Variants in PMEPA1 observed in about 807,000 individuals in gnomAD.
The protein encoded by PMEPA1 is protein TMEPAI.
Under a neutral mutation model 23.0 loss-of-function variants are expected in PMEPA1, and 11 were observed. The observed-to-expected ratio is 0.48, with a 90% CI of 0.30 to 0.79. The LOEUF (loss-of-function observed/expected upper bound fraction) is 0.79, where lower values mean the gene tolerates loss of function less well. PMEPA1 is among the 30% of genes least tolerant of loss of function. PMEPA1 has a pLI of 0.06. For synonymous variants in PMEPA1, 204 were observed against 166.4 expected, an observed-to-expected ratio of 1.23 and a Z score of -1.74; for missense variants, 377 against 390.9, an observed-to-expected ratio of 0.96 and a Z score of 0.30.
rs374222961 is a variant in PMEPA1, at chr20:57,659,494, G to T, written c.264+49C>A. On this transcript the variant is annotated intron_variant, in intron 2 of 3. Transcript: ENST00000341744. ...TCCCGTCTGAGTTTTTACAAGGGGC[G>T]TCCCACTGCCGCACCCTCAGGCCAC... 40 of 1,584,280 alleles carry T rather than the reference G, an allele frequency of 2.5e-5. No individual in the cohort carries two copies. In the African/African-American group the frequency reaches 3.4e-4, roughly 13 times the overall value.
At chr20:57,653,652 A>G (rs1403243249) in intron 2 of PMEPA1, among the ~76,000 whole-genome samples, 1 of 151,818 alleles carries the variant, frequency 6.6e-6, no homozygotes, top group Non-Finnish European at 1.5e-5. Flanking sequence ...GCTGGGTGTC[A>G]CCTCCACACT....
intron 1 of PMEPA1, among the ~76,000 whole-genome samples, chr20:57,665,396 C>T (rs2071478266): frequency 6.6e-6 from 1 of 152,068 alleles, no homozygotes; most frequent in African/African-American, 2.4e-5. Flanking sequence ...CCGCCCCCTG[C>T]CCCGGGAATC....
chr20:57,656,606 C>T lies in PMEPA1; in HGVS notation c.264+2937G>A, dbSNP rs113348016. Among the ~76,000 whole-genome samples, 2 of 152,120 alleles carry T rather than the reference C, an allele frequency of 1.3e-5. No individual in the cohort carries two copies. The highest frequency in any genetic ancestry group is 2.9e-5 in the Non-Finnish European group (2 of 68,016). On this transcript the variant is annotated intron_variant, in intron 2 of 3. Coordinates refer to ENST00000341744, the MANE Select transcript of PMEPA1 (RefSeq NM_020182.5). This position sits in a 1 kb window ranked among gnomAD's most constrained non-coding sequence, Gnocchi z 4.7. ...CCAGGGTGGAAGTGCCATCCCTGGTCGAGGGGCTTGCCTGCACTGGAGCCT... is the reference window on the plus strand; with the variant it reads ...CCAGGGTGGAAGTGCCATCCCTGGTTGAGGGGCTTGCCTGCACTGGAGCCT...
intron 1 of PMEPA1, among the ~76,000 whole-genome samples, chr20:57,702,716 C>T (rs1014716012): frequency 3.3e-5 from 5 of 152,196 alleles, no homozygotes; most frequent in African/African-American, 1.2e-4. Flanking sequence ...GAGCAAGTAT[C>T]TTACACTCTC....
intron 1 of PMEPA1, among the ~76,000 whole-genome samples, chr20:57,700,954 C>T (rs2072002998): frequency 6.6e-6 from 1 of 151,452 alleles, no homozygotes; most frequent in African/African-American, 2.4e-5. Context: ...CACTTGAACC[C>T]GGGAGGTAGA....
At position 57,652,704 on chromosome 20, in the gene PMEPA1, G is replaced by C; in HGVS notation, c.319-106C>G. 8 of 1,053,024 alleles carry C rather than the reference G, an allele frequency of 7.6e-6. No individual in the cohort carries two copies. The highest frequency in any genetic ancestry group is 1.1e-5 in the Non-Finnish European group (8 of 750,244). The allele number at this position is 1,053,024 out of a possible 1,614,324, so 65.2% of individuals were successfully genotyped here. The stretch of plus-strand genomic sequence containing the variant: ...GCTGCATGGGACTTGGCTCTCTGGG[G>C]AAAGGGAGAGGGCAGCAGGGCTGGC... On this transcript the variant is annotated intron_variant, in intron 3 of 3. Transcript: ENST00000341744. The surrounding 1 kb of genome is among the most constrained non-coding windows in gnomAD (Gnocchi z 6.1).
rs543535086 is a variant in PMEPA1, at chr20:57,706,131, C to A, written c.109+3343G>T. Reference sequence around the variant, plus strand: ...AAAAAGACAGCTGCCACCGTAGATACCACCAGAGATGGGCCCAGGGCAGGG... The same window carrying A: ...AAAAAGACAGCTGCCACCGTAGATAACACCAGAGATGGGCCCAGGGCAGGG... On this transcript the variant is annotated intron_variant, in intron 1 of 3. Transcript: ENST00000341744. Among the ~76,000 whole-genome samples the A allele has an allele frequency of 2.5e-3, 384 of 152,334 alleles. 1 individual carries two copies. Among genetic ancestry groups the A allele is most frequent in the African/African-American group, 9.0e-3 (376 of 41,578 alleles).
At chr20:57,659,050 G>A (rs1249764475) in intron 2 of PMEPA1, among the ~76,000 whole-genome samples, 1 of 152,212 alleles carries the variant, frequency 6.6e-6, no homozygotes, top group Non-Finnish European at 1.5e-5. Flanking sequence ...TGTGGGTCAA[G>A]ACGGGGGTCA....
chr20:57,684,834 G>C (rs2071779484), intron 1 of PMEPA1, among the ~76,000 whole-genome samples: 1 of 151,656 alleles, frequency 6.6e-6, no homozygotes, highest in Non-Finnish European at 1.5e-5. Flanking sequence ...AGAAGAAATG[G>C]GGGAAGTTGT....
intron 1 of PMEPA1, among the ~76,000 whole-genome samples, chr20:57,669,812 G>A (rs1050619205): frequency 2.0e-5 from 3 of 151,946 alleles, no homozygotes; most frequent in Non-Finnish European, 2.9e-5. Flanking sequence ...CATCCCTTCC[G>A]TGTAATACAT....
intron 1 of PMEPA1, among the ~76,000 whole-genome samples, chr20:57,666,137 A>G (rs550858152): frequency 6.6e-6 from 1 of 152,250 alleles, no homozygotes; most frequent in African/African-American, 2.4e-5. Context: ...ACTCTAATTT[A>G]ATTTAGTGTC....
intron 1 of PMEPA1, among the ~76,000 whole-genome samples, chr20:57,688,187 T>C (rs533639939): frequency 6.6e-5 from 10 of 152,354 alleles, no homozygotes; most frequent in Admixed American, 6.5e-4. Context: ...CCAAGATTTC[T>C]CCGTTTTCCT....
chr20:57,659,738 G>C (rs1015638676), intron 1 of PMEPA1, 41 bp from the exon 2 acceptor site: 2 of 1,541,518 alleles, frequency 1.3e-6, no homozygotes, highest in Non-Finnish European at 1.8e-6. Context: ...CTGGACACCT[G>C]CAGGTCGCTG....
chr20:57,654,112 C>A (rs1344476789), intron 2 of PMEPA1, among the ~76,000 whole-genome samples: 1 of 152,176 alleles, frequency 6.6e-6, no homozygotes, highest in Non-Finnish European at 1.5e-5. Flanking sequence ...GAAGCTTATG[C>A]CATCTGCTCT....
At chr20:57,672,797 G>A (rs937358352) in intron 1 of PMEPA1, among the ~76,000 whole-genome samples, 1 of 152,164 alleles carries the variant, frequency 6.6e-6, no homozygotes, top group Non-Finnish European at 1.5e-5. Context: ...GTAGCTTAGC[G>A]GTTAAAAGGA....
At chr20:57,699,305 G>A (rs1376318267) in intron 1 of PMEPA1, among the ~76,000 whole-genome samples, 2 of 152,166 alleles carry the variant, frequency 1.3e-5, no homozygotes, top group Non-Finnish European at 2.9e-5. Flanking sequence ...ACTTACCATC[G>A]GCACCAACAC....
chr20:57,693,165 C>T (rs536833065), intron 1 of PMEPA1, among the ~76,000 whole-genome samples: 10 of 152,350 alleles, frequency 6.6e-5, no homozygotes, highest in Non-Finnish European at 4.4e-5. Context: ...CTCCCAGGGC[C>T]AGGATCTCAC....
chr20:57,656,747 C>G lies in PMEPA1; in HGVS notation c.264+2796G>C, dbSNP rs543254306. ...GATGGTGAGGCAGGTGGGTGAGGCA[C>G]GAGCTCTTGTCTCCATACAGGCAAG... On this transcript the variant is annotated intron_variant, in intron 2 of 3. Coordinates refer to ENST00000341744, the MANE Select transcript of PMEPA1 (RefSeq NM_020182.5). The surrounding 1 kb of genome is among the most constrained non-coding windows in gnomAD (Gnocchi z 4.7). 6.6e-6 allele frequency among the ~76,000 whole-genome samples: 1 copy of G among 152,160 alleles called. No homozygotes were observed. The highest frequency in any genetic ancestry group is 2.4e-5 in the African/African-American group (1 of 41,424).
intron 1 of PMEPA1, among the ~76,000 whole-genome samples, chr20:57,678,905 C>T (rs552491380): frequency 1.3e-5 from 2 of 152,334 alleles, no homozygotes; most frequent in African/African-American, 4.8e-5. Context: ...CAAACTACCA[C>T]TGTACCCCCA....
Sources: gnomAD v4.1 joint callset for allele counts (sites outside exome capture counted in the v4.1 genomes callset) on GRCh38, gnomAD v4.1.1 for gene constraint, Gnocchi (gnomAD v3.1) non-coding constraint, MANE v1.5 for transcripts, NCBI Gene and HGNC (gene_info 2026-07-23, HGNC 2026-07-21) for gene names.